Variants in ISYNA1 observed in about 807,000 individuals in gnomAD.
ISYNA1 encodes the protein MI-1-P synthase.
ISYNA1 carries 34 observed loss-of-function variants against 50.3 expected under a neutral mutation model. The ratio of observed to expected loss-of-function variants is 0.68; its 90% confidence interval spans 0.51 to 0.90. ISYNA1 has a LOEUF of 0.90. Among genes scored for constraint, ISYNA1 ranks in the 40% least tolerant of loss-of-function variants. ISYNA1 has a pLI of 0.00. For missense variants in ISYNA1, 718 were observed against 784.8 expected, an observed-to-expected ratio of 0.91 and a Z score of 1.02; for synonymous variants, 396 against 349.9, an observed-to-expected ratio of 1.13 and a Z score of -1.47.
In ISYNA1 at chr19:18,435,575, G is replaced by A. The variant is rs776815910; in HGVS notation, c.1242C>T (p.His414=). 7.5e-6 allele frequency: 12 copies of A among 1,607,552 alleles called. No individual in the cohort carries two copies. Among genetic ancestry groups the A allele is most frequent in the Non-Finnish European group, 4.2e-6 (5 of 1,177,428 alleles). Residue 414 remains histidine, a synonymous_variant, in exon 9 of 11, where the codon CAC becomes CAT. Coordinates refer to ENST00000338128, the MANE Select transcript of ISYNA1 (RefSeq NM_016368.5). ...MLGGTNTLVL[H]NTCEDSLLAA... ...AGCCGCGCCGCACCTCACACGTGTT[G>A]TGCAGCACCAGTGTGTTGGTTCCGC...
In ISYNA1 at chr19:18,438,096, C is replaced by T. The variant is rs1207732044; in HGVS notation, c.-13G>A. 1 of 1,128,030 alleles carries T rather than the reference C, an allele frequency of 8.9e-7. No individual in the cohort carries two copies. The highest frequency in any genetic ancestry group is 1.2e-6 in the Non-Finnish European group (1 of 843,150). The allele number at this position is 1,128,030 out of a possible 1,614,324, so 69.9% of individuals were successfully genotyped here. A position where few individuals can be genotyped will look rare whatever the true frequency, so the allele number is the denominator to read the frequency against. ...CCCTGCCCCGAACCGCACTCACCGG[C>T]GCAGAGTCGACTCAGGCAGCGGCGG... On this transcript the variant is annotated 5_prime_UTR_variant, in exon 1 of 11. Coordinates refer to ENST00000338128, the MANE Select transcript of ISYNA1 (RefSeq NM_016368.5).
rs1313511186 is a variant in ISYNA1 at position 18,436,857 on chromosome 19, T to C, written c.436A>G (p.Asn146Asp). 4.4e-6 allele frequency: 7 copies of C among 1,597,720 alleles called. No homozygotes were observed. Among genetic ancestry groups the C allele is most frequent in the Non-Finnish European group, 5.1e-6 (6 of 1,174,746 alleles). Residue 146 changes from asparagine (N) to aspartate (D), a missense_variant, in exon 5 of 11, where the codon AAC (asparagine) becomes GAC (aspartate). Physicochemically the swap from Asn to Asp is conservative, Grantham distance 23. Coordinates refer to ENST00000338128, the MANE Select transcript of ISYNA1 (RefSeq NM_016368.5). The stretch of plus-strand genomic sequence containing the variant: ...GCGCGCCGCATCGCCTCGGCCAGGT[T>C]CAGCGACGAGATGTCCCAGCCTGGG... ...VFDGWDISSL[N>D]LAEAMRRAKV...
chr19:18,438,110 A>T lies in ISYNA1; in HGVS notation c.-27T>A. The T allele has an allele frequency of 9.8e-7, 1 of 1,018,762 alleles. No homozygotes were observed. Among genetic ancestry groups the T allele is most frequent in the Non-Finnish European group, 1.3e-6 (1 of 750,752 alleles). 63.1% of individuals were successfully genotyped at this position (1,018,762 alleles called of 1,614,324 possible). A position where few individuals can be genotyped will look rare whatever the true frequency, so the allele number is the denominator to read the frequency against. On this transcript the variant is annotated 5_prime_UTR_variant, in exon 1 of 11. Coordinates refer to ENST00000338128, the MANE Select transcript of ISYNA1 (RefSeq NM_016368.5). ...GCACTCACCGGCGCAGAGTCGACTCAGGCAGCGGCGGCGGACAGCGCGGGC... is the reference window on the plus strand; with the variant it reads ...GCACTCACCGGCGCAGAGTCGACTCTGGCAGCGGCGGCGGACAGCGCGGGC...
intron 3 of ISYNA1, 180 bp downstream of exon 3, chr19:18,437,413 GTCCCTC>G: frequency 8.9e-7 from 1 of 1,125,418 alleles, no homozygotes; most frequent in Non-Finnish European, 1.2e-6. Flanking sequence ...CCCCCTGCAG[GTCCCTC>G]GCCCACTACA....
Position 18,434,866 on chromosome 19 carries a change from T to A in ISYNA1, c.*47A>T. 6.6e-7 allele frequency: 1 copy of A among 1,525,314 alleles called. No individual in the cohort carries two copies. The highest frequency in any genetic ancestry group is 1.7e-5 in the Admixed American group (1 of 59,634). 94.5% of individuals were successfully genotyped at this position (1,525,314 alleles called of 1,614,324 possible). ...TGTGGGGGCCTTCAAGGTAGGGTCG[T>A]GGGGGGCAGCGGGGAGGAAGAGCCG... On this transcript the variant is annotated 3_prime_UTR_variant, in exon 11 of 11. Coordinates refer to ENST00000338128, the MANE Select transcript of ISYNA1 (RefSeq NM_016368.5).
In ISYNA1 at chr19:18,436,025, C is replaced by G; in HGVS notation, c.975+7G>C. 1 of 1,613,364 alleles carries G rather than the reference C, an allele frequency of 6.2e-7. No homozygotes were observed. The highest frequency in any genetic ancestry group is 8.5e-7 in the Non-Finnish European group (1 of 1,179,908). Reference sequence around the variant, plus strand: ...CCTGCACTCGGCAGCTCCCTAGGCCCACGCACCTTGAGGCCGGAGCCAATG... The same window carrying G: ...CCTGCACTCGGCAGCTCCCTAGGCCGACGCACCTTGAGGCCGGAGCCAATG... On this transcript the variant is annotated splice_region_variant and intron_variant, in intron 7 of 10. Coordinates refer to ENST00000338128, the MANE Select transcript of ISYNA1 (RefSeq NM_016368.5).
Position 18,436,099 on chromosome 19 carries a change from T to TC in ISYNA1, c.907dup (p.Asp303GlyfsTer50). 6.2e-7 allele frequency: 1 copy of TC among 1,613,100 alleles called. No homozygotes were observed. The highest frequency in any genetic ancestry group is 8.5e-7 in the Non-Finnish European group (1 of 1,179,942). On this transcript the variant is annotated frameshift_variant, in exon 7 of 11. Coordinates refer to ENST00000338128, the MANE Select transcript of ISYNA1 (RefSeq NM_016368.5). LOFTEE classifies it high-confidence loss of function. ...GACTTTGGTCTGGCCTGACTTGAAG[T>TC]CATCTCCGCCCACAAAAACCCGGTG...
At chr19:18,437,236 G>C in intron 3 of ISYNA1, 131 bp from the exon 4 acceptor site, 1 of 1,441,870 alleles carries the variant, frequency 6.9e-7, no homozygotes, top group Non-Finnish European at 9.1e-7. Context: ...CTCACAGCCA[G>C]GACGGAAGCC....
Position 18,435,265 on chromosome 19 carries a change from C to T in ISYNA1, c.1472+1G>A. ...GCGGGAACCTGGAGGCTGGGGTGCA[C>T]CTGAGGATGTTCTCGATGCAGCTGC... On this transcript the variant is annotated splice_donor_variant, in intron 10 of 10. Transcript: ENST00000338128. LOFTEE classifies it high-confidence loss of function. 1 of 1,604,748 alleles carries T rather than the reference C, an allele frequency of 6.2e-7. No homozygotes were observed. Among genetic ancestry groups the T allele is most frequent in the Non-Finnish European group, 8.5e-7 (1 of 1,178,612 alleles).
At position 18,435,492 on chromosome 19, in the gene ISYNA1, CG is replaced by C; in HGVS notation, c.1255-10del. On this transcript the variant is annotated splice_polypyrimidine_tract_variant and intron_variant, in intron 9 of 10. Transcript: ENST00000338128. ...GCGGCCAGCAGCGAGTCCTGCGGGG[CG>C]GGTGGGTCAGGAGATGGGGGCGGTG... 1.2e-6 allele frequency: 2 copies of C among 1,608,176 alleles called. No homozygotes were observed. Among genetic ancestry groups the C allele is most frequent in the Non-Finnish European group, 1.7e-6 (2 of 1,179,356 alleles).
At chr19:18,436,917 G>T in intron 4 of ISYNA1, 40 bp from the exon 5 acceptor site, 2 of 1,598,388 alleles carry the variant, frequency 1.3e-6, no homozygotes, top group Non-Finnish European at 8.5e-7. Context: ...CGGATCCTGG[G>T]CCCCTCCAGA....
chr19:18,435,954 G>A (rs1249013754), intron 7 of ISYNA1, 33 bp from the exon 8 acceptor site: 5 of 1,613,200 alleles, frequency 3.1e-6, no homozygotes, highest in South Asian at 1.1e-5. Flanking sequence ...AGCAGCTGCA[G>A]GCCCTGCGGC....
Position 18,438,073 on chromosome 19 carries a change from CT to C in ISYNA1, c.-10+19del, listed in dbSNP as rs925320010. 3.7e-5 allele frequency: 49 copies of C among 1,340,602 alleles called. No individual in the cohort carries two copies. The African/African-American group carries it at 6.9e-4, about 19-fold the overall frequency. The allele number at this position is 1,340,602 out of a possible 1,614,324, so 83.0% of individuals were successfully genotyped here. A position where few individuals can be genotyped will look rare whatever the true frequency, so the allele number is the denominator to read the frequency against. On this transcript the variant is annotated intron_variant, in intron 1 of 10. Transcript: ENST00000338128. ...GCCTGGGTCCCCACGGAGGCCGTCCCTGCCCCGAACCGCACTCACCGGCGCA... is the reference window on the plus strand; with the variant it reads ...GCCTGGGTCCCCACGGAGGCCGTCCCGCCCCGAACCGCACTCACCGGCGCA...
rs759016255 is a variant in ISYNA1 at position 18,437,991 on chromosome 19, G to A, written c.-9-3C>T. 9.6e-6 allele frequency: 15 copies of A among 1,555,342 alleles called. No homozygotes were observed. The highest frequency in any genetic ancestry group is 1.9e-5 in the Admixed American group (1 of 52,212). On this transcript the variant is annotated splice_polypyrimidine_tract_variant and splice_region_variant and intron_variant, in intron 1 of 10. Coordinates refer to ENST00000338128, the MANE Select transcript of ISYNA1 (RefSeq NM_016368.5). ...GCGGCGGCCTCCATCGCGGCGGGCT[G>A]GGGGCCCGGGGTGAGCAGGGGGTCA...
At chr19:18,437,359 C>T in intron 3 of ISYNA1, 2 of 1,354,314 alleles carry the variant, frequency 1.5e-6, no homozygotes, top group Admixed American at 3.1e-5. Context: ...CCGCCTGCAG[C>T]CAGGCCCCGC....
In ISYNA1 at chr19:18,436,406, G is replaced by A. The variant is rs748834226; in HGVS notation, c.683C>T (p.Thr228Met). ...CTCACAGAAGCGCTCCGTGTTCGCC[G>A]TCCACAGCACTATGACTTTGTCCAG... ...AGLDKVIVLW[T>M]ANTERFCEVI... Residue 228 changes from threonine to methionine, a missense_variant, in exon 6 of 11, where the codon ACG becomes ATG. By Grantham distance (81) the Thr-to-Met change is moderately conservative (BLOSUM62 -1). Around this residue, in one of 3 missense-constraint regions of ISYNA1, gnomAD observed 403 missense variants for 466.6 expected, o/e 0.86. Coordinates refer to ENST00000338128, the MANE Select transcript of ISYNA1 (RefSeq NM_016368.5). 4 of 1,611,272 alleles carry A rather than the reference G, an allele frequency of 2.5e-6. No individual in the cohort carries two copies. The highest frequency in any genetic ancestry group is 1.7e-5 in the Admixed American group (1 of 59,736).
intron 3 of ISYNA1, chr19:18,437,336 C>G (rs2144858291): frequency 1.4e-6 from 2 of 1,402,794 alleles, no homozygotes; most frequent in East Asian, 5.3e-5. Context: ...CTCGCGAAAC[C>G]CTTCCACGGG....
In ISYNA1 at chr19:18,436,068, G is replaced by A. The variant is rs772718150; in HGVS notation, c.939C>T (p.Ser313=). 4.3e-6 allele frequency: 7 copies of A among 1,613,252 alleles called. No individual in the cohort carries two copies. The highest frequency in any genetic ancestry group is 2.7e-5 in the African/African-American group (2 of 74,944). The change falls in exon 7 of 11, where the codon TCC becomes TCT. Residue 313 remains serine, a synonymous_variant. Coordinates refer to ENST00000338128, the MANE Select transcript of ISYNA1 (RefSeq NM_016368.5). ...DFKSGQTKVK[S]VLVDFLIGSG... is the part of the protein sequence containing the mutation. ...AGCCAATGAGGAAGTCCACAAGCAC[G>A]GACTTGACTTTGGTCTGGCCTGACT...
At position 18,434,606 on chromosome 19, in the gene ISYNA1, C is replaced by T; in HGVS notation, c.*307G>A. ...CTTTGGCCTTCTGCCACCACACTCT[C>T]CACCCTGTGGTCTTGTTCCGTCCCC... On this transcript the variant is annotated 3_prime_UTR_variant, in exon 11 of 11. Coordinates refer to ENST00000338128, the MANE Select transcript of ISYNA1 (RefSeq NM_016368.5). 1 of 539,742 alleles carries T rather than the reference C, an allele frequency of 1.9e-6. No homozygotes were observed. The highest frequency in any genetic ancestry group is 3.3e-6 in the Non-Finnish European group (1 of 304,766). 33.4% of individuals were successfully genotyped at this position (539,742 alleles called of 1,614,324 possible). A position where few individuals can be genotyped will look rare whatever the true frequency, so the allele number is the denominator to read the frequency against.
Sources: allele counts gnomAD v4.1 joint callset, GRCh38; gene constraint gnomAD v4.1.1; regional missense constraint gnomAD v4.1.1; transcripts MANE v1.5; gene names NCBI Gene and HGNC (gene_info 2026-07-23, HGNC 2026-07-21).